PRKAR2B: variants seen among roughly 807,000 people sequenced by gnomAD.
The protein encoded by PRKAR2B is cAMP-dependent protein kinase type II-beta regulatory subunit.
A neutral mutation model predicts 49.9 loss-of-function variants in PRKAR2B; 14 were observed. That is an observed-to-expected ratio of 0.28 (90% confidence interval 0.19 to 0.44). The LOEUF (loss-of-function observed/expected upper bound fraction) is 0.44. Among genes scored for constraint, PRKAR2B ranks in the 20% least tolerant of loss-of-function variants. The probability of loss-of-function intolerance (pLI) is 1.00; values close to 1 mark genes in which losing one functional copy is unlikely to be tolerated. For missense variants in PRKAR2B, 393 were observed against 537.9 expected (o/e 0.73, Z 2.67); for synonymous variants, 196 against 197.7 (o/e 0.99, Z 0.07).
At chr7:107,084,245 G>T (rs902396146) in intron 2 of PRKAR2B, among the ~76,000 whole-genome samples, 6 of 152,006 alleles carry the variant, frequency 3.9e-5, no homozygotes, top group Non-Finnish European at 5.9e-5. Flanking sequence ...TTTTAAAGTT[G>T]TTCTTTATAT....
intron 2 of PRKAR2B, among the ~76,000 whole-genome samples, chr7:107,098,242 G>A (rs899676130): frequency 3.3e-5 from 5 of 151,884 alleles, no homozygotes; most frequent in Admixed American, 2.0e-4. Flanking sequence ...TTGTCTTCTC[G>A]CTTCATTTCA....
At chr7:107,093,606 C>T (rs1416298061) in intron 2 of PRKAR2B, among the ~76,000 whole-genome samples, 1 of 151,470 alleles carries the variant, frequency 6.6e-6, no homozygotes, top group Non-Finnish European at 1.5e-5. Context: ...TGGTGTGCTG[C>T]ACCCGTTAAC....
At chr7:107,136,819 AAGG>A (rs1302828283) in intron 4 of PRKAR2B, among the ~76,000 whole-genome samples, 3 of 152,226 alleles carry the variant, frequency 2.0e-5, no homozygotes, top group African/African-American at 4.8e-5. Context: ...TATTTACCCA[AAGG>A]AGTTGAAAAC....
Position 107,100,349 on chromosome 7 carries a change from C to G in PRKAR2B, c.344-21603C>G, listed in dbSNP as rs141763490. ...CACTACCTTCTGACTTCCATTGTTT[C>G]TGATGAGCAGTTAGTAATTGTTTTG... On this transcript the variant is annotated intron_variant, in intron 2 of 10. Transcript: ENST00000265717. Among the ~76,000 whole-genome samples, 1,242 of 152,268 alleles carry G rather than the reference C, an allele frequency of 8.2e-3. 21 individuals carry two copies. The highest frequency in any genetic ancestry group is 0.028 in the African/African-American group (1,153 of 41,550).
At chr7:107,077,235 C>T (rs1794415645) in intron 2 of PRKAR2B, 1 of 152,164 alleles carries the variant, frequency 6.6e-6, no homozygotes, top group African/African-American at 2.4e-5. Flanking sequence ...AATTAATATA[C>T]TAGTTTATTC....
rs528252742 is a variant in PRKAR2B at position 107,053,792 on chromosome 7, G to A, written c.307+8578G>A. ...ATTTGTGGATGGGACAAAGAGAATCGTATTATAGTTTTCTGGTTAGGAATC... is the reference window on the plus strand; with the variant it reads ...ATTTGTGGATGGGACAAAGAGAATCATATTATAGTTTTCTGGTTAGGAATC... On this transcript the variant is annotated intron_variant, in intron 1 of 10. Coordinates refer to ENST00000265717, the MANE Select transcript of PRKAR2B (RefSeq NM_002736.3). Among the ~76,000 whole-genome samples the A allele has an allele frequency of 1.1e-4, 16 of 152,176 alleles. No homozygotes were observed. In the South Asian group the frequency reaches 1.7e-3, roughly 16 times the overall value.
At chr7:107,152,581 T>G (rs1417826370) in intron 7 of PRKAR2B, among the ~76,000 whole-genome samples, 3 of 152,230 alleles carry the variant, frequency 2.0e-5, no homozygotes, top group African/African-American at 7.2e-5. Context: ...GCTTTTCTAT[T>G]TCACTGTCAT....
intron 6 of PRKAR2B, among the ~76,000 whole-genome samples, chr7:107,149,742 T>G (rs1795949653): frequency 6.6e-6 from 1 of 152,322 alleles, no homozygotes; most frequent in East Asian, 1.9e-4. Context: ...ACTAGTTCAT[T>G]TAAATTCAGC....
At chr7:107,107,416 G>A (rs1795093272) in intron 2 of PRKAR2B, among the ~76,000 whole-genome samples, 1 of 151,952 alleles carries the variant, frequency 6.6e-6, no homozygotes, top group Admixed American at 6.6e-5. Flanking sequence ...CTAAACTAAA[G>A]AAAATTAGTT....
chr7:107,079,300 T>G (rs1794469240), intron 2 of PRKAR2B, among the ~76,000 whole-genome samples: 1 of 152,170 alleles, frequency 6.6e-6, no homozygotes, highest in Non-Finnish European at 1.5e-5. Flanking sequence ...ATCTAAACAC[T>G]GTTTTACTCT....
chr7:107,125,428 A>G (rs1219145237), intron 3 of PRKAR2B, among the ~76,000 whole-genome samples: 1 of 152,262 alleles, frequency 6.6e-6, no homozygotes, highest in Admixed American at 6.5e-5. Context: ...GAAATCAGGA[A>G]TGAATTTTAA....
At chr7:107,146,105 C>A (rs10253291) in intron 5 of PRKAR2B, among the ~76,000 whole-genome samples, 126,871 of 152,026 alleles carry the variant, frequency 0.83, 53,078 homozygotes, top group East Asian at 0.93. Context: ...TTCCTTATTC[C>A]AAATTTTTAT....
intron 3 of PRKAR2B, among the ~76,000 whole-genome samples, chr7:107,127,987 A>G (rs1051631206): frequency 6.6e-6 from 1 of 152,212 alleles, no homozygotes; most frequent in African/African-American, 2.4e-5. Context: ...ATATTGATGA[A>G]TGGATACCAA....
intron 2 of PRKAR2B, among the ~76,000 whole-genome samples, chr7:107,092,953 T>C (rs1021726778): frequency 6.6e-6 from 1 of 152,252 alleles, no homozygotes; most frequent in African/African-American, 2.4e-5. Flanking sequence ...AGGTACCTCA[T>C]AGATGAGGAC....
At chr7:107,124,079 G>T (rs986833888) in intron 3 of PRKAR2B, among the ~76,000 whole-genome samples, 5 of 152,128 alleles carry the variant, frequency 3.3e-5, no homozygotes, top group Admixed American at 3.3e-4. Context: ...TGGACATTTT[G>T]TATTACTTCT....
intron 2 of PRKAR2B, among the ~76,000 whole-genome samples, chr7:107,086,847 G>A (rs137933634): frequency 8.2e-4 from 124 of 152,120 alleles, no homozygotes; most frequent in Non-Finnish European, 1.2e-3. Flanking sequence ...ATCTAATATC[G>A]AACTATCCTT....
intron 2 of PRKAR2B, among the ~76,000 whole-genome samples, chr7:107,081,382 G>T (rs1403774905): frequency 6.6e-6 from 1 of 152,048 alleles, no homozygotes; most frequent in Non-Finnish European, 1.5e-5. Context: ...TTTTAAACAG[G>T]TGTGTGCAAA....
At chr7:107,076,397 G>C (rs1794397554) in intron 2 of PRKAR2B, among the ~76,000 whole-genome samples, 1 of 151,888 alleles carries the variant, frequency 6.6e-6, no homozygotes, top group Non-Finnish European at 1.5e-5. Context: ...TCATGACTCA[G>C]TTTTTCTTGC....
At chr7:107,141,714 A>G (rs959701591) in intron 5 of PRKAR2B, among the ~76,000 whole-genome samples, 2 of 152,160 alleles carry the variant, frequency 1.3e-5, no homozygotes, top group African/African-American at 2.4e-5. Flanking sequence ...AACAATAAAT[A>G]AATAAAAATA....
Sources: gnomAD v4.1 joint callset for allele counts (sites outside exome capture counted in the v4.1 genomes callset) on GRCh38, gnomAD v4.1.1 for gene constraint, MANE v1.5 for transcripts, NCBI Gene and HGNC (gene_info 2026-07-23, HGNC 2026-07-21) for gene names.